Variants in TTN observed in about 807,000 individuals in gnomAD.
The protein encoded by TTN is titin, also known as connectin.
In TTN, 1,525 loss-of-function variants were observed where a neutral mutation model predicts 3,223.0. The ratio of observed to expected loss-of-function variants is 0.47; its 90% CI spans 0.45 to 0.49. The LOEUF (loss-of-function observed/expected upper bound fraction) is 0.49, where lower values mean the gene tolerates loss of function less well. Ranked by LOEUF, TTN falls within the 20% of genes least tolerant of loss-of-function variation. The pLI is 0.00. For missense variants in TTN, 40,786 were observed against 43,424.0 expected (o/e 0.94, Z 5.40); for synonymous variants, 14,094 against 15,161.0 (o/e 0.93, Z 5.17).
Position 178,689,823 on chromosome 2 carries a change from G to C in TTN, c.31836C>G (p.Pro10612=). ...PVPVAKKKEA[P]PAKVPEVQKG... is the part of the protein sequence containing the mutation. The stretch of plus-strand genomic sequence containing the variant: ...CGAAAGCCACTGTACCTTTAGCTGG[G>C]GGAGCTTCCTTTTTCTTTGCAACAG... Residue 10612 remains proline (P), a synonymous_variant, in exon 122 of 363, where the codon CCC becomes CCG. Transcript: ENST00000589042. The C allele has an allele frequency of 6.2e-7, 1 of 1,611,076 alleles. No individual in the cohort carries two copies. Among genetic ancestry groups the C allele is most frequent in the Non-Finnish European group, 8.5e-7 (1 of 1,179,066 alleles).
rs926219516 is a variant in TTN at position 178,694,810 on chromosome 2, G to A, written c.31348+19C>T. 6.5e-7 allele frequency: 1 copy of A among 1,544,516 alleles called. No individual in the cohort carries two copies. The highest frequency in any genetic ancestry group is 8.8e-7 in the Non-Finnish European group (1 of 1,139,182). On this transcript the variant is annotated intron_variant, in intron 116 of 362. Transcript: ENST00000589042. ...ATATTACTTGTGTACATGGGTGCTAGGAATGTTTTAAATAATACCTTTGGT... is the reference window on the plus strand; with the variant it reads ...ATATTACTTGTGTACATGGGTGCTAAGAATGTTTTAAATAATACCTTTGGT...
At chr2:178,716,624 T>G (rs2077523483) in intron 88 of TTN, among the ~76,000 whole-genome samples, 1 of 152,244 alleles carries the variant, frequency 6.6e-6, no homozygotes, top group South Asian at 2.1e-4. Flanking sequence ...CCACTATTAT[T>G]TAAGTGGGGC....
chr2:178,616,453 T>C lies in TTN; in HGVS notation c.48312+26A>G, dbSNP rs769710968. The C allele has an allele frequency of 4.4e-6, 7 of 1,606,102 alleles. No individual in the cohort carries two copies. In the African/African-American group the frequency reaches 8.1e-5, roughly 19 times the overall value. On this transcript the variant is annotated intron_variant, in intron 257 of 362. Transcript: ENST00000589042. ...ATTTCCCCTACTCTCATTTTTGGCA[T>C]TGATGCAGTGCTGCTCAAAACTCAC... is the stretch of plus-strand genomic sequence containing the variant.
intron 102 of TTN, among the ~76,000 whole-genome samples, chr2:178,705,828 G>A (rs1206378387): frequency 6.6e-6 from 1 of 152,134 alleles, no homozygotes; most frequent in Admixed American, 6.6e-5. Context: ...GTTTAAAACA[G>A]TTGTTTTAGA....
intron 305 of TTN, 29 bp downstream of exon 305, chr2:178,587,870 A>T (rs1262211229): frequency 6.4e-7 from 1 of 1,569,784 alleles, no homozygotes; most frequent in Non-Finnish European, 8.6e-7. Context: ...TTAAGTGTGA[A>T]TGAATCACAT....
intron 13 of TTN, among the ~76,000 whole-genome samples, chr2:178,786,757 G>A (rs1561402658): frequency 6.6e-6 from 1 of 152,162 alleles, no homozygotes; most frequent in Non-Finnish European, 1.5e-5. Flanking sequence ...ACACACAGAT[G>A]ACAAAGAGAA....
rs758011912 is a variant in TTN at position 178,574,775 on chromosome 2, T to C, written c.71357A>G (p.Tyr23786Cys). ...TCCAGTAGTAAGGCGGGTGGCTTTA[T>C]AGGTAGTACGTATAACGGTGGTTGC... ...ELATTVIRTT[Y>C]KATRLTTGLE... The change falls in exon 326 of 363, where the codon TAT becomes TGT. Residue 23786 changes from tyrosine to cysteine, a missense_variant. Physicochemically the swap from Tyr to Cys is radical, Grantham distance 194. Coordinates refer to ENST00000589042, the MANE Select transcript of TTN (RefSeq NM_001267550.2). 3.1e-6 allele frequency: 5 copies of C among 1,612,178 alleles called. No homozygotes were observed. In the South Asian group the frequency reaches 5.5e-5, roughly 18 times the overall value.
chr2:178,541,502 A>G lies in TTN; in HGVS notation c.97575T>C (p.Asp32525=). 6.2e-7 allele frequency: 1 copy of G among 1,613,366 alleles called. No individual in the cohort carries two copies. The highest frequency in any genetic ancestry group is 1.3e-5 in the African/African-American group (1 of 75,006). The change falls in exon 350 of 363, where the codon GAT becomes GAC. Residue 32525 remains aspartate, a synonymous_variant. Transcript: ENST00000589042. Reference sequence around the variant, plus strand: ...ATCCAGTCACTTGGGAGCCACCGTCATCCTCTGGTGGGTACCAAGTAAGTG... The same window carrying G: ...ATCCAGTCACTTGGGAGCCACCGTCGTCCTCTGGTGGGTACCAAGTAAGTG... ...GMTLTWYPPE[D]DGGSQVTGYI...
chr2:178,800,414 A>C lies in TTN; in HGVS notation c.564T>G (p.Thr188=), dbSNP rs1487077494. ...ATNSVGRATS[T]AELLVQGEEE... ...ACGTACCTTGAACCAGTAATTCAGC[A>C]GTCGAAGTAGCTCTTCCAACGCTAT... The change falls in exon 4 of 363, where the codon ACT becomes ACG. Residue 188 remains threonine, a synonymous_variant. Transcript: ENST00000589042. The C allele has an allele frequency of 1.2e-6, 2 of 1,614,152 alleles. No homozygotes were observed. The highest frequency in any genetic ancestry group is 1.7e-6 in the Non-Finnish European group (2 of 1,180,000).
chr2:178,691,988 A>C, intron 121 of TTN, 28 bp downstream of exon 121: 1 of 1,589,062 alleles, frequency 6.3e-7, no homozygotes, highest in Non-Finnish European at 8.6e-7. Flanking sequence ...TGGAGCAAAG[A>C]GTCTCCCCAT....
chr2:178,644,651 A>G, intron 217 of TTN, 35 bp from the exon 218 acceptor site: 1 of 1,457,794 alleles, frequency 6.9e-7, no homozygotes, highest in Non-Finnish European at 9.2e-7. Context: ...TGTTATTTGT[A>G]TATTTAATCT....
chr2:178,604,980 C>A lies in TTN; in HGVS notation c.54190+7G>T. 1.3e-6 allele frequency: 2 copies of A among 1,589,994 alleles called. No individual in the cohort carries two copies. The highest frequency in any genetic ancestry group is 2.3e-5 in the South Asian group (2 of 87,212). On this transcript the variant is annotated splice_region_variant and intron_variant, in intron 280 of 362. Transcript: ENST00000589042. ...GCCTTTTTGATGTAAGAAAGCAAGTCACTTACCATATACTTCAACGTGAAC... is the reference window on the plus strand; with the variant it reads ...GCCTTTTTGATGTAAGAAAGCAAGTAACTTACCATATACTTCAACGTGAAC...
chr2:178,572,527 A>G lies in TTN; in HGVS notation c.73605T>C (p.Ser24535=), dbSNP rs751252010. 1.6e-5 allele frequency: 26 copies of G among 1,613,452 alleles called. No individual in the cohort carries two copies. Among genetic ancestry groups the G allele is most frequent in the Non-Finnish European group, 2.1e-5 (25 of 1,179,616 alleles). Residue 24535 remains serine, a synonymous_variant, in exon 326 of 363, where the codon TCT becomes TCC. Coordinates refer to ENST00000589042, the MANE Select transcript of TTN (RefSeq NM_001267550.2). ...GAGGTGGGTCCCATGTGAGTGTGACAGATGTCTTAGTGACCTCTTTTACCT... is the reference window on the plus strand; with the variant it reads ...GAGGTGGGTCCCATGTGAGTGTGACGGATGTCTTAGTGACCTCTTTTACCT... ...DLKVKEVTKT[S]VTLTWDPPLL...
intron 316 of TTN, chr2:178,580,819 G>T: frequency 1.8e-6 from 1 of 555,528 alleles, no homozygotes; most frequent in Non-Finnish European, 3.0e-6. Flanking sequence ...GCTTAACCAG[G>T]TTTTCCCCCC....
At position 178,528,919 on chromosome 2, in the gene TTN, G is replaced by T; in HGVS notation, c.106832C>A (p.Ala35611Glu). 1 of 1,614,002 alleles carries T rather than the reference G, an allele frequency of 6.2e-7. No homozygotes were observed. Among genetic ancestry groups the T allele is most frequent in the Non-Finnish European group, 8.5e-7 (1 of 1,179,872 alleles). The change falls in exon 360 of 363, where the codon GCA becomes GAA. Residue 35611 changes from alanine to glutamate, a missense_variant. By Grantham distance (107) the Ala-to-Glu change is moderately radical. Transcript: ENST00000589042. ...GTTTATGCTCATCTGAGTAGAAAAT[G>T]CTTTAATCTCAGCATGAGTTCTGAC... is the stretch of plus-strand genomic sequence containing the variant. ...EEVRTHAEIK[A>E]FSTQMSINEG...
Position 178,721,970 on chromosome 2 carries a change from A to T in TTN, c.22693T>A (p.Cys7565Ser), listed in dbSNP as rs757611239. 6.2e-7 allele frequency: 1 copy of T among 1,613,608 alleles called. No individual in the cohort carries two copies. The highest frequency in any genetic ancestry group is 8.5e-7 in the Non-Finnish European group (1 of 1,179,616). ...IRPGGNYTIT[C>S]VGNTPHLRIL... ...CTCAAATGAGGAGTGTTTCCCACACATGTGATTGTATAGTTTCCTCCAGGA... is the reference window on the plus strand; with the variant it reads ...CTCAAATGAGGAGTGTTTCCCACACTTGTGATTGTATAGTTTCCTCCAGGA... The change falls in exon 78 of 363, where the codon TGT becomes AGT. Residue 7565 changes from cysteine (C) to serine (S), a missense_variant. Coordinates refer to ENST00000589042, the MANE Select transcript of TTN (RefSeq NM_001267550.2).
At position 178,665,900 on chromosome 2, in the gene TTN, C is replaced by T. The variant is rs1031115199; in HGVS notation, c.35876-109G>A. The T allele has an allele frequency of 1.3e-5, 6 of 469,976 alleles. 1 individual carries two copies. Among genetic ancestry groups the T allele is most frequent in the South Asian group, 2.3e-4 (2 of 8,748 alleles). The allele number at this position is 469,976 out of a possible 1,614,324, so 29.1% of individuals were successfully genotyped here. ...CAGATGGGAACCTTCTCCCACTCCC[C>T]GCCCCCAGAATCGGATCTTTTGTAG... On this transcript the variant is annotated intron_variant, in intron 163 of 362. Transcript: ENST00000589042.
At position 178,565,500 on chromosome 2, in the gene TTN, T is replaced by C. The variant is rs533968107; in HGVS notation, c.80632A>G (p.Ile26878Val). 4 of 1,613,324 alleles carry C rather than the reference T, an allele frequency of 2.5e-6. No homozygotes were observed. The highest frequency in any genetic ancestry group is 3.4e-6 in the Non-Finnish European group (4 of 1,179,606). Reference sequence around the variant, plus strand: ...AATGGTAACTTTAAACTAGGCTGTATAGTCAAGTCCTTGGCTATGACAGGA... The same window carrying C: ...AATGGTAACTTTAAACTAGGCTGTACAGTCAAGTCCTTGGCTATGACAGGA... ...GVPVIAKDLT[I>V]QPSLKLPFNT... The change falls in exon 326 of 363, where the codon ATA becomes GTA. Residue 26878 changes from isoleucine (I) to valine (V), a missense_variant. Physicochemically the swap from Ile to Val is conservative, Grantham distance 29. Transcript: ENST00000589042.
intron 47 of TTN, chr2:178,746,627 A>G (rs2083639055): frequency 3.7e-6 from 6 of 1,613,278 alleles, no homozygotes; most frequent in Non-Finnish European, 5.1e-6. Context: ...TATGATGTTT[A>G]CAGCATGACA....
Sources: allele counts gnomAD v4.1 joint callset (sites outside exome capture counted in the v4.1 genomes callset), GRCh38; gene constraint gnomAD v4.1.1; transcripts MANE v1.5; gene names NCBI Gene and HGNC (gene_info 2026-07-23, HGNC 2026-07-21).